The following TDRD1 variants were observed in gnomAD, a reference collection of about 807,000 sequenced individuals.
The protein encoded by TDRD1 is tudor domain containing 1, also known as tudor domain-containing protein 1.
Under a neutral mutation model 140.6 loss-of-function variants are expected in TDRD1, and 37 were observed. The ratio of observed to expected loss-of-function variants is 0.26; its 90% CI spans 0.20 to 0.35. The LOEUF is 0.35. TDRD1 is among the 10% of genes least tolerant of loss of function. TDRD1 has a pLI of 1.00. For synonymous variants in TDRD1, 506 were observed against 475.7 expected (o/e 1.06, Z -0.83); for missense variants, 1,243 against 1,393.0 (o/e 0.89, Z 1.71).
exon 9 of TDRD1, chr10:114,204,183 C>T (rs1302812475): frequency 6.3e-7 from 1 of 1,596,710 alleles, no homozygotes; most frequent in African/African-American, 1.4e-5. Context: ...GAATTTACCA[C>T]CTCAACAGGA....
At chr10:114,194,785 G>GTTTTTTT in intron 3 of TDRD1, among the ~76,000 whole-genome samples, 1 of 146,842 alleles carries the variant, frequency 6.8e-6, no homozygotes. Context: ...ATTAGACAAG[G>GTTTTTTT]TCTCCCTCTG....
exon 26 of TDRD1, chr10:114,232,268 G>C (rs1418989752): frequency 4.8e-5 from 7 of 146,862 alleles, no homozygotes; most frequent in South Asian, 2.2e-4. Context: ...AGAATTTACT[G>C]TTTCTGAAAC....
In TDRD1 at chr10:114,221,189, C is replaced by T. The variant is rs573591315; in HGVS notation, c.2771-168C>T. Among the ~76,000 whole-genome samples, 41 of 152,230 alleles carry T rather than the reference C, an allele frequency of 2.7e-4. No homozygotes were observed. In the South Asian group the frequency reaches 7.7e-3, roughly 29 times the overall value. ...CTTTTTCGTACTGCCCACAAAATCC[C>T]TCAAATAGAATAGATTGTTTTGTGA... On this transcript the variant is annotated intron_variant, in intron 19 of 25. Coordinates refer to ENST00000251864, the Ensembl canonical transcript of TDRD1.
chr10:114,211,118 T>C (rs979439832), intron 13 of TDRD1, 151 bp downstream of exon 13: 1 of 633,728 alleles, frequency 1.6e-6, no homozygotes, highest in Non-Finnish European at 2.6e-6. Context: ...TGTTTTTAAA[T>C]AGATCAAATT....
intron 2 of TDRD1, among the ~76,000 whole-genome samples, chr10:114,190,415 C>T (rs543134247): frequency 6.6e-6 from 1 of 152,184 alleles, no homozygotes; most frequent in Non-Finnish European, 1.5e-5. Flanking sequence ...AGAACTGCTG[C>T]CTTAGTGAAT....
intron 3 of TDRD1, among the ~76,000 whole-genome samples, chr10:114,192,069 C>T (rs947235610): frequency 6.0e-5 from 9 of 149,678 alleles, no homozygotes; most frequent in African/African-American, 1.5e-4. Flanking sequence ...TTTTTTTTAC[C>T]GTTGTTTTGA....
At chr10:114,228,494 T>C (rs2036569433) in intron 25 of TDRD1, 1 of 1,017,440 alleles carries the variant, frequency 9.8e-7, no homozygotes. Context: ...AGAGCTCACT[T>C]ATGCACATTG....
chr10:114,180,821 G>A (rs1011653181), intron 1 of TDRD1, among the ~76,000 whole-genome samples: 4 of 152,206 alleles, frequency 2.6e-5, no homozygotes, highest in African/African-American at 4.8e-5. Flanking sequence ...GGGGTTGCCA[G>A]GAAGACAAAA....
intron 2 of TDRD1, among the ~76,000 whole-genome samples, chr10:114,188,942 G>C (rs1401610948): frequency 6.6e-6 from 1 of 151,480 alleles, no homozygotes; most frequent in East Asian, 1.9e-4. Flanking sequence ...CTCTTTGAAG[G>C]TATATGAGTT....
upstream of TDRD1, among the ~76,000 whole-genome samples, chr10:114,177,290 G>GA (rs988614625): frequency 1.3e-5 from 2 of 151,642 alleles, no homozygotes; most frequent in Non-Finnish European, 2.9e-5. Context: ...AAAGGGAAGG[G>GA]AAAAAAAAGA....
chr10:114,225,934 C>A, intron 21 of TDRD1, 115 bp from the exon 22 acceptor site: 5 of 845,220 alleles, frequency 5.9e-6, no homozygotes, highest in Non-Finnish European at 9.8e-6. Context: ...TGAACTGTAA[C>A]CAGAAATTTT....
At chr10:114,196,298 C>T (rs779907231) in intron 3 of TDRD1, among the ~76,000 whole-genome samples, 8 of 152,168 alleles carry the variant, frequency 5.3e-5, no homozygotes, top group Non-Finnish European at 1.0e-4. Flanking sequence ...TTTCTTTTCT[C>T]CTTAGAGAAC....
At chr10:114,220,442 A>G in intron 18 of TDRD1, 126 bp from the exon 19 acceptor site, 1 of 644,918 alleles carries the variant, frequency 1.6e-6, no homozygotes, top group Non-Finnish European at 2.7e-6. Flanking sequence ...TGTATAATTG[A>G]ATATTGAAGA....
chr10:114,179,915 A>G (rs1298819492), intron 1 of TDRD1: 2 of 152,132 alleles, frequency 1.3e-5, no homozygotes, highest in East Asian at 3.9e-4. Flanking sequence ...GGGCTTCTGA[A>G]CTAAGGGAGC....
chr10:114,220,740 T>C (rs750953269), exon 19 of TDRD1: 2 of 1,609,868 alleles, frequency 1.2e-6, no homozygotes, highest in Non-Finnish European at 1.7e-6. Flanking sequence ...ATGTTCTGAT[T>C]GATGAACATC....
At chr10:114,216,853 A>G (rs531754979) in intron 16 of TDRD1, among the ~76,000 whole-genome samples, 1 of 152,318 alleles carries the variant, frequency 6.6e-6, no homozygotes, top group Non-Finnish European at 1.5e-5. Flanking sequence ...ATTTTAGTAA[A>G]TGAGCCTTTG....
chr10:114,229,819 T>A (rs7095504), intron 25 of TDRD1, among the ~76,000 whole-genome samples: 15,531 of 127,944 alleles, frequency 0.12, 863 homozygotes, highest in Non-Finnish European at 0.15. Context: ...ATATATATAT[T>A]TTTTTTTTAT....
At chr10:114,179,909 T>G (rs2032899067) in intron 1 of TDRD1, 1 of 152,180 alleles carries the variant, frequency 6.6e-6, no homozygotes. Context: ...CCTGCTGGGC[T>G]TCTGAACTAA....
intron 2 of TDRD1, among the ~76,000 whole-genome samples, chr10:114,189,421 T>C (rs12250407): frequency 0.14 from 21,988 of 152,104 alleles, 1,690 homozygotes; most frequent in African/African-American, 0.18. Context: ...TCTCAAAAAT[T>C]AACAAAGTGA....
Sources: allele counts gnomAD v4.1 joint callset (sites outside exome capture counted in the v4.1 genomes callset), GRCh38; gene constraint gnomAD v4.1.1; transcripts MANE v1.5; gene names NCBI Gene and HGNC (gene_info 2026-07-23, HGNC 2026-07-21).